TAS2R1: variants seen among roughly 807,000 people sequenced by gnomAD.
TAS2R1 encodes the protein taste 2 receptor member 1.
For missense variants in TAS2R1, 370 were observed against 353.4 expected, an observed-to-expected ratio of 1.05 and a Z score of -0.38; for synonymous variants, 141 against 134.2, an observed-to-expected ratio of 1.05 and a Z score of -0.35.
At chr5:9,642,066 G>A (rs1740095386) in intron 2 of TAS2R1, 2 of 152,222 alleles carry the variant, frequency 1.3e-5, no homozygotes, top group Non-Finnish European at 2.9e-5. Flanking sequence ...GTAACTGACA[G>A]GCGGAAAGAG....
At chr5:9,680,458 C>A (rs1246194422) in intron 1 of TAS2R1, among the ~76,000 whole-genome samples, 2 of 152,088 alleles carry the variant, frequency 1.3e-5, no homozygotes, top group African/African-American at 2.4e-5. Flanking sequence ...GAGGAGAAAC[C>A]TGAAAAACAC....
chr5:9,665,833 A>G (rs1740623663), intron 1 of TAS2R1, among the ~76,000 whole-genome samples: 1 of 152,280 alleles, frequency 6.6e-6, no homozygotes, highest in Non-Finnish European at 1.5e-5. Context: ...GCAGGAGAGT[A>G]AAAGAACAGC....
the TAS2R1 span, among the ~76,000 whole-genome samples, chr5:9,793,125 A>C: frequency 0.41 from 62,341 of 152,050 alleles, 12,856 homozygotes; most frequent in Admixed American, 0.47. Flanking sequence ...ATCCAGCAAA[A>C]CACGGTCCTA....
the TAS2R1 span, among the ~76,000 whole-genome samples, chr5:9,897,998 T>C: frequency 3.0e-4 from 46 of 152,330 alleles, no homozygotes; most frequent in Admixed American, 3.0e-3. Context: ...CAATGTATTT[T>C]CTAATGACAC....
At chr5:9,853,920 G>A in the TAS2R1 span, among the ~76,000 whole-genome samples, 21 of 152,070 alleles carry the variant, frequency 1.4e-4, no homozygotes, top group African/African-American at 4.6e-4. Flanking sequence ...AAATTGAAAG[G>A]GTTCTTCCTG....
chr5:9,757,077 A>G, the TAS2R1 span, among the ~76,000 whole-genome samples: 6 of 152,212 alleles, frequency 3.9e-5, no homozygotes, highest in Admixed American at 2.6e-4. Flanking sequence ...ATAATCTTTC[A>G]TTCTGTAAAC....
At chr5:9,886,397 C>T in the TAS2R1 span, among the ~76,000 whole-genome samples, 1 of 137,514 alleles carries the variant, frequency 7.3e-6, no homozygotes, top group Non-Finnish European at 1.5e-5. Flanking sequence ...TGTAGTGGTG[C>T]AATCGTGGCT....
the TAS2R1 span, among the ~76,000 whole-genome samples, chr5:9,850,324 T>C: frequency 0.71 from 108,478 of 152,228 alleles, 39,340 homozygotes; most frequent in East Asian, 0.86. Context: ...CCATCTACAT[T>C]ATCCCAAAGC....
upstream of TAS2R1, among the ~76,000 whole-genome samples, chr5:9,714,994 G>A (rs1232205874): frequency 3.3e-5 from 5 of 152,204 alleles, no homozygotes; most frequent in African/African-American, 1.2e-4. Flanking sequence ...GAATTGATGT[G>A]GATTCTCCCT....
At chr5:9,812,025 C>T in the TAS2R1 span, among the ~76,000 whole-genome samples, 1 of 152,092 alleles carries the variant, frequency 6.6e-6, no homozygotes, top group East Asian at 1.9e-4. Context: ...TTTCAACTGT[C>T]ATCTCCTCAG....
chr5:9,723,234 T>C, the TAS2R1 span, among the ~76,000 whole-genome samples: 1 of 152,316 alleles, frequency 6.6e-6, no homozygotes, highest in East Asian at 1.9e-4. Flanking sequence ...CCATGAAGAC[T>C]GGGCCTGTTC....
At chr5:9,786,983 T>C in the TAS2R1 span, among the ~76,000 whole-genome samples, 1 of 152,362 alleles carries the variant, frequency 6.6e-6, no homozygotes. Flanking sequence ...ACTTTCTTGG[T>C]GATTCCATCT....
At chr5:9,748,213 C>A in the TAS2R1 span, among the ~76,000 whole-genome samples, 1 of 152,134 alleles carries the variant, frequency 6.6e-6, no homozygotes, top group African/African-American at 2.4e-5. Flanking sequence ...GTGGTACCAT[C>A]TCTGCATAGG....
the TAS2R1 span, among the ~76,000 whole-genome samples, chr5:9,821,669 G>C: frequency 2.0e-5 from 3 of 152,300 alleles, no homozygotes; most frequent in Admixed American, 1.3e-4. Context: ...ATTGATAATA[G>C]TGATTGCCTT....
At chr5:9,901,622 G>A in the TAS2R1 span, among the ~76,000 whole-genome samples, 1 of 152,054 alleles carries the variant, frequency 6.6e-6, no homozygotes, top group African/African-American at 2.4e-5. Context: ...TATTTTAGGG[G>A]ATAAATCTTC....
upstream of TAS2R1, among the ~76,000 whole-genome samples, chr5:9,633,308 A>ATATT (rs1379914985): frequency 2.2e-5 from 3 of 134,890 alleles, no homozygotes; most frequent in African/African-American, 9.3e-5. Context: ...ATATATATAT[A>ATATT]TATATATATA....
the TAS2R1 span, among the ~76,000 whole-genome samples, chr5:9,785,268 A>G: frequency 6.6e-6 from 1 of 152,184 alleles, no homozygotes; most frequent in Non-Finnish European, 1.5e-5. Flanking sequence ...TTGTGTAAAT[A>G]TGCATCTTCA....
the TAS2R1 span, among the ~76,000 whole-genome samples, chr5:9,815,217 T>C: frequency 2.0e-5 from 3 of 152,196 alleles, no homozygotes; most frequent in Admixed American, 6.5e-5. Flanking sequence ...CAGATTAAGA[T>C]AGCCAGCAGA....
intron 1 of TAS2R1, among the ~76,000 whole-genome samples, chr5:9,666,509 T>G (rs963242088): frequency 6.6e-6 from 1 of 152,142 alleles, no homozygotes; most frequent in Non-Finnish European, 1.5e-5. Context: ...ATTTATCAGA[T>G]GGTTGAGAGG....
Sources: allele counts gnomAD v4.1 joint callset (sites outside exome capture counted in the v4.1 genomes callset), GRCh38; gene constraint gnomAD v4.1.1; transcripts MANE v1.5; gene names NCBI Gene and HGNC (gene_info 2026-07-23, HGNC 2026-07-21).